The following RSL24D1 variants were observed in gnomAD, a reference collection of about 807,000 sequenced individuals.
RSL24D1 encodes ribosomal L24 domain containing 1.
A neutral mutation model predicts 26.2 loss-of-function variants in RSL24D1; 6 were observed. The ratio of observed to expected loss-of-function variants is 0.23; its 90% CI spans 0.13 to 0.45. RSL24D1 has a LOEUF of 0.45. RSL24D1 is among the 20% of genes least tolerant of loss of function. The pLI is 0.99. For missense variants in RSL24D1, 176 were observed against 202.6 expected (o/e 0.87, Z 0.80); for synonymous variants, 61 against 59.1 (o/e 1.03, Z -0.15).
In RSL24D1 at chr15:55,183,326, G is replaced by A. The variant is rs754306199; in HGVS notation, c.407C>T (p.Ala136Val). ...EVKQNIHLIR[A>V]PLAGKGKQLE... is the part of the protein sequence containing the mutation. Reference sequence around the variant, plus strand: ...AATGTAGTACTCACCTGCAAGAGGGGCTCGGATAAGATGGATGTTTTGCTT... The same window carrying A: ...AATGTAGTACTCACCTGCAAGAGGGACTCGGATAAGATGGATGTTTTGCTT... Residue 136 changes from alanine to valine, a missense_variant, in exon 5 of 6, where the codon GCC becomes GTC. This residue lies in a region of RSL24D1 where 43 missense variants were observed against 38.7 expected (regional missense o/e 1.11). Transcript: ENST00000260443. The A allele has an allele frequency of 1.3e-5, 21 of 1,611,256 alleles. No individual in the cohort carries two copies. The highest frequency in any genetic ancestry group is 2.2e-4 in the Middle Eastern group (1 of 4,506).
In RSL24D1 at chr15:55,196,906, A is replaced by C. The variant is rs13733; in HGVS notation, c.-16T>G. The C allele has an allele frequency of 2.5e-6, 4 of 1,612,468 alleles. No individual in the cohort carries two copies. Among genetic ancestry groups the C allele is most frequent in the Non-Finnish European group, 3.4e-6 (4 of 1,178,774 alleles). On this transcript the variant is annotated 5_prime_UTR_variant, in exon 1 of 6. Transcript: ENST00000260443. ...CGATACGCATGTTGAACCCGCGTGTAACCCCACCAAACAAACGCCAAGCTT... is the reference window on the plus strand; with the variant it reads ...CGATACGCATGTTGAACCCGCGTGTCACCCCACCAAACAAACGCCAAGCTT...
At chr15:55,182,400 A>G (rs1312826644) in intron 5 of RSL24D1, among the ~76,000 whole-genome samples, 175 bp from the exon 6 acceptor site, 4 of 152,224 alleles carry the variant, frequency 2.6e-5, no homozygotes, top group Non-Finnish European at 5.9e-5. Flanking sequence ...TCAAATAAAC[A>G]TTCTACATAC....
intron 3 of RSL24D1, among the ~76,000 whole-genome samples, chr15:55,188,365 G>T (rs771297497): frequency 1.3e-5 from 2 of 152,240 alleles, no homozygotes; most frequent in South Asian, 2.1e-4. Context: ...CTATTTTTAG[G>T]ATCCCAGTAA....
chr15:55,187,915 A>G (rs1285695145), intron 3 of RSL24D1, among the ~76,000 whole-genome samples: 1 of 152,020 alleles, frequency 6.6e-6, no homozygotes, highest in Non-Finnish European at 1.5e-5. Flanking sequence ...GTTCAACAAA[A>G]ATATGTAAAA....
intron 3 of RSL24D1, among the ~76,000 whole-genome samples, chr15:55,189,280 C>T (rs547982096): frequency 2.0e-5 from 3 of 151,912 alleles, no homozygotes; most frequent in Admixed American, 2.0e-4. Context: ...TTTAAGAATC[C>T]TATAGTTAAT....
intron 2 of RSL24D1, among the ~76,000 whole-genome samples, chr15:55,192,165 C>G (rs1269555778): frequency 6.6e-6 from 1 of 152,148 alleles, no homozygotes; most frequent in Non-Finnish European, 1.5e-5. Flanking sequence ...TCAAATGTAG[C>G]CTGTACTGCA....
chr15:55,182,093 G>A lies in RSL24D1; in HGVS notation c.*59C>T. Reference sequence around the variant, plus strand: ...ATGTAAAAAATAAAATAATTTAGCAGTTCCAAGTATCCAAAGGGCATTTTC... The same window carrying A: ...ATGTAAAAAATAAAATAATTTAGCAATTCCAAGTATCCAAAGGGCATTTTC... On this transcript the variant is annotated 3_prime_UTR_variant, in exon 6 of 6. Transcript: ENST00000260443. The A allele has an allele frequency of 1.4e-5, 14 of 1,019,920 alleles. 1 individual carries two copies. The South Asian group carries it at 1.9e-4, about 14-fold the overall frequency. The allele number at this position is 1,019,920 out of a possible 1,614,324, so 63.2% of individuals were successfully genotyped here. A position where few individuals can be genotyped will look rare whatever the true frequency, so the allele number is the denominator to read the frequency against.
At chr15:55,190,873 A>C in intron 3 of RSL24D1, 102 bp downstream of exon 3, 1 of 752,584 alleles carries the variant, frequency 1.3e-6, no homozygotes. Flanking sequence ...AGGAATGATA[A>C]ATGGAAAATT....
intron 1 of RSL24D1, chr15:55,196,513 A>G (rs1894358960): frequency 1.7e-6 from 1 of 578,494 alleles, no homozygotes; most frequent in Non-Finnish European, 3.2e-6. Flanking sequence ...GTGGCCAAAC[A>G]GCCCTCACAG....
rs1167685296 is a variant in RSL24D1 at position 55,182,155 on chromosome 15, A to G, written c.489T>C (p.Pro163=). The part of the protein sequence containing the change: ...LQEDVDMEDA[P] ...AAAGAAATGGTTACAGAGATTTTTA[A>G]GGAGCATCTTCCATGTCCACATCCT... is the stretch of plus-strand genomic sequence containing the variant. The change falls in exon 6 of 6, where the codon CCT becomes CCC. Residue 163 remains proline (P), a synonymous_variant. Transcript: ENST00000260443. The G allele has an allele frequency of 1.9e-6, 3 of 1,591,566 alleles. No homozygotes were observed. The highest frequency in any genetic ancestry group is 2.2e-5 in the South Asian group (2 of 90,250).
Position 55,192,672 on chromosome 15 carries a change from A to G in RSL24D1, c.195+48T>C, listed in dbSNP as rs201023370. 201 of 1,360,726 alleles carry G rather than the reference A, an allele frequency of 1.5e-4. 2 individuals carry two copies. The Admixed American group carries it at 3.3e-3, about 22-fold the overall frequency. 84.3% of individuals were successfully genotyped at this position (1,360,726 alleles called of 1,614,324 possible). On this transcript the variant is annotated intron_variant, in intron 2 of 5. Coordinates refer to ENST00000260443, the MANE Select transcript of RSL24D1 (RefSeq NM_016304.3). The stretch of plus-strand genomic sequence containing the variant: ...AGATGACATATACCCTTCAAATACT[A>G]AAACTGTGAAACGTGTAAAAACTAT...
In RSL24D1 at chr15:55,181,037, A is replaced by T. The variant is rs779147798; in HGVS notation, c.*1115T>A. Reference sequence around the variant, plus strand: ...TTTACTATCTAATACTGAAACAAAAAATGAGCCATTACTTTATAATTATGT... The same window carrying T: ...TTTACTATCTAATACTGAAACAAAATATGAGCCATTACTTTATAATTATGT... On this transcript the variant is annotated 3_prime_UTR_variant, in exon 6 of 6. Coordinates refer to ENST00000260443, the MANE Select transcript of RSL24D1 (RefSeq NM_016304.3). The T allele has an allele frequency of 6.6e-6, 1 of 152,164 alleles. No individual in the cohort carries two copies. Among genetic ancestry groups the T allele is most frequent in the Non-Finnish European group, 1.5e-5 (1 of 68,030 alleles). 9.4% of individuals were successfully genotyped at this position (152,164 alleles called of 1,614,324 possible). A position where few individuals can be genotyped will look rare whatever the true frequency, so the allele number is the denominator to read the frequency against.
intron 3 of RSL24D1, among the ~76,000 whole-genome samples, chr15:55,189,042 A>C (rs372934811): frequency 2.0e-5 from 3 of 152,068 alleles, no homozygotes; most frequent in Admixed American, 6.5e-5. Context: ...AATACAAAAA[A>C]ATTAGCCGGG....
intron 4 of RSL24D1, among the ~76,000 whole-genome samples, chr15:55,183,890 A>C (rs1894196634): frequency 6.6e-6 from 1 of 152,218 alleles, no homozygotes; most frequent in Non-Finnish European, 1.5e-5. Flanking sequence ...AAGTAAATGA[A>C]GGATGTGAGT....
chr15:55,194,803 TACACACACAC>T (rs143219738), intron 1 of RSL24D1, among the ~76,000 whole-genome samples: 134 of 147,086 alleles, frequency 9.1e-4, no homozygotes, highest in Admixed American at 2.4e-3. Flanking sequence ...CCTCTGTCTC[TACACACACAC>T]ACACACACAC....
chr15:55,191,219 T>G lies in RSL24D1; in HGVS notation c.196-172A>C, dbSNP rs555229427. On this transcript the variant is annotated intron_variant, in intron 2 of 5. Transcript: ENST00000260443. ...TCAAATTTTTTCTCCTTTACACACCTCCCTATTGAAGACATCTCTCCATAT... is the reference window on the plus strand; with the variant it reads ...TCAAATTTTTTCTCCTTTACACACCGCCCTATTGAAGACATCTCTCCATAT... Among the ~76,000 whole-genome samples the G allele has an allele frequency of 8.5e-5, 13 of 152,202 alleles. No homozygotes were observed. The South Asian group carries it at 1.7e-3, about 19-fold the overall frequency.
At chr15:55,195,567 T>G (rs1038042744) in intron 1 of RSL24D1, 1 of 152,204 alleles carries the variant, frequency 6.6e-6, no homozygotes, top group Non-Finnish European at 1.5e-5. Context: ...GTTGTTCTAA[T>G]TCCAATATCC....
chr15:55,192,620 T>TA (rs1165664119), intron 2 of RSL24D1, 100 bp downstream of exon 2: 7 of 763,280 alleles, frequency 9.2e-6, no homozygotes, highest in Non-Finnish European at 1.6e-5. Context: ...ATTAATCATG[T>TA]TATAGGAGGC....
At position 55,192,770 on chromosome 15, in the gene RSL24D1, C is replaced by T; in HGVS notation, c.145G>A (p.Val49Ile). The T allele has an allele frequency of 1.2e-6, 2 of 1,613,988 alleles. No individual in the cohort carries two copies. Among genetic ancestry groups the T allele is most frequent in the Non-Finnish European group, 8.5e-7 (1 of 1,179,878 alleles). ...NFKKKRNPRK[V>I]RWTKAFRKAA... The stretch of plus-strand genomic sequence containing the variant: ...TTCCGGAATGCTTTGGTCCACCTAA[C>T]TTTGCGAGGATTGCGCTTCTTTTTA... The change falls in exon 2 of 6, where the codon GTT (valine) becomes ATT (isoleucine). Residue 49 changes from valine to isoleucine, a missense_variant. By Grantham distance (29) the Val-to-Ile change is conservative. Coordinates refer to ENST00000260443, the MANE Select transcript of RSL24D1 (RefSeq NM_016304.3).
Sources: allele counts gnomAD v4.1 joint callset (sites outside exome capture counted in the v4.1 genomes callset), GRCh38; gene constraint gnomAD v4.1.1; regional missense constraint gnomAD v4.1.1; transcripts MANE v1.5; gene names NCBI Gene and HGNC (gene_info 2026-07-23, HGNC 2026-07-21).